Variants in MIAT observed in about 807,000 individuals in gnomAD.
MIAT encodes the protein MI related novel mRNA.
At chr22:26,663,352 G>A (rs1569221029) in exon 3 of MIAT, 3 of 398,616 alleles carry the variant, frequency 7.5e-6, no homozygotes, top group East Asian at 3.6e-5. Flanking sequence ...TTCCAGACAC[G>A]TTCATGTGGC....
intron 2 of MIAT, among the ~76,000 whole-genome samples, chr22:26,647,588 T>C (rs1370669030): frequency 6.6e-6 from 1 of 151,696 alleles, no homozygotes; most frequent in African/African-American, 2.4e-5. Flanking sequence ...GGTGGGAGCG[T>C]GCTGAATGAT....
intron 2 of MIAT, among the ~76,000 whole-genome samples, chr22:26,659,958 C>T (rs1930605469): frequency 2.0e-5 from 3 of 150,498 alleles, no homozygotes; most frequent in Admixed American, 2.0e-4. Flanking sequence ...GCCTCAGCCT[C>T]CCAAGTAGCT....
intron 2 of MIAT, chr22:26,660,656 A>G (rs1343729795): frequency 6.6e-6 from 1 of 152,142 alleles, no homozygotes; most frequent in Non-Finnish European, 1.5e-5. Context: ...TGGTCCTGCT[A>G]GTTGTTTCCA....
At chr22:26,658,353 C>T (rs1196037692) in intron 2 of MIAT, 1 of 152,354 alleles carries the variant, frequency 6.6e-6, no homozygotes, top group East Asian at 1.9e-4. Context: ...AGAAACAACC[C>T]CATTTTAAAG....
chr22:26,669,171 G>C (rs1930958270), exon 6 of MIAT: 1 of 398,752 alleles, frequency 2.5e-6, no homozygotes, highest in Non-Finnish European at 4.4e-6. Context: ...CCCAGCGTTT[G>C]CAAGAGAGCA....
At chr22:26,660,816 G>C (rs1239559994) in intron 2 of MIAT, 1 of 152,246 alleles carries the variant, frequency 6.6e-6, no homozygotes, top group Non-Finnish European at 1.5e-5. Context: ...GAGTTACGCA[G>C]GTCCGTGTGC....
intron 2 of MIAT, among the ~76,000 whole-genome samples, chr22:26,654,679 C>G (rs2145999308): frequency 6.6e-6 from 1 of 152,196 alleles, no homozygotes; most frequent in East Asian, 1.9e-4. Flanking sequence ...GGCAACAGGG[C>G]AAGACCTTGT....
In MIAT at chr22:26,647,073, T is replaced by A. The variant is rs1930246246; in HGVS notation, n.509-101T>A. 4 of 397,866 alleles carry A rather than the reference T, an allele frequency of 1.0e-5. No individual in the cohort carries two copies. The South Asian group carries it at 5.5e-4, about 54-fold the overall frequency. 24.6% of individuals were successfully genotyped at this position (397,866 alleles called of 1,614,324 possible). On this transcript the variant is annotated intron_variant and non_coding_transcript_variant, in intron 1 of 5. Transcript: ENST00000643270. ...CTTTAGAAGGCATAAGCAGCTGGGGTCCCTGGAGACCCTGGGATGACACCG... is the reference window on the plus strand; with the variant it reads ...CTTTAGAAGGCATAAGCAGCTGGGGACCCTGGAGACCCTGGGATGACACCG...
In MIAT at chr22:26,655,781, G is replaced by T. The variant is rs1930421255; in HGVS notation, n.647-7535G>T. ...GGCTTACTGAAACATAGATGTCTGG[G>T]CCTTCCTTTCTTTCCCCAGGGCTCA... On this transcript the variant is annotated intron_variant and non_coding_transcript_variant, in intron 2 of 5. Coordinates refer to ENST00000643270, the Ensembl canonical transcript of MIAT. Among the ~76,000 whole-genome samples, 2 of 152,272 alleles carry T rather than the reference G, an allele frequency of 1.3e-5. 1 individual carries two copies. Among genetic ancestry groups the T allele is most frequent in the Middle Eastern group, 6.8e-3 (2 of 294 alleles).
intron 2 of MIAT, among the ~76,000 whole-genome samples, chr22:26,648,225 G>A (rs1247955096): frequency 2.0e-5 from 3 of 152,316 alleles, no homozygotes; most frequent in Non-Finnish European, 2.9e-5. Context: ...GGGCCCGGGA[G>A]CAGGTGCAGG....
At chr22:26,669,510 C>T in exon 6 of MIAT, 1 of 398,634 alleles carries the variant, frequency 2.5e-6, no homozygotes, top group Non-Finnish European at 4.4e-6. Context: ...ACTAATATCA[C>T]CATATTAGGG....
chr22:26,666,000 C>G, exon 4 of MIAT: 2 of 398,642 alleles, frequency 5.0e-6, no homozygotes, highest in South Asian at 1.3e-4. Flanking sequence ...ATTTATAAAC[C>G]TTGGACAGGG....
exon 1 of MIAT, chr22:26,646,576 G>C (rs2145995185): frequency 2.5e-6 from 1 of 398,640 alleles, no homozygotes; most frequent in South Asian, 1.3e-4. Context: ...GCAGATTGTT[G>C]AGACTGAAAT....
chr22:26,666,291 G>A (rs1930841092), exon 4 of MIAT: 4 of 398,556 alleles, frequency 1.0e-5, no homozygotes, highest in Admixed American at 8.8e-5. Flanking sequence ...TGGTGACACA[G>A]GGTGGTCTTA....
At chr22:26,675,581 A>G (rs1417325179) in exon 5 of MIAT, 2 of 398,494 alleles carry the variant, frequency 5.0e-6, no homozygotes, top group African/African-American at 4.1e-5. Flanking sequence ...ATACATGTCT[A>G]CCCCAGTTGG....
chr22:26,670,445 G>A (rs1931002232), downstream of MIAT: 2 of 398,380 alleles, frequency 5.0e-6, no homozygotes, highest in Non-Finnish European at 8.8e-6. Flanking sequence ...CCTGGGAAGT[G>A]GTAGAGAGAC....
At position 26,669,418 on chromosome 22, in the gene MIAT, T is replaced by C. The variant is rs1930964965; in HGVS notation, n.3523T>C. The C allele has an allele frequency of 1.5e-5, 6 of 398,570 alleles. 1 individual carries two copies. 24.7% of individuals were successfully genotyped at this position (398,570 alleles called of 1,614,324 possible). On this transcript the variant is annotated non_coding_transcript_exon_variant, in exon 6 of 6. Coordinates refer to ENST00000643270, the Ensembl canonical transcript of MIAT. The stretch of plus-strand genomic sequence containing the variant: ...GCTTGCAGGTGGCACCTTCTCACTA[T>C]GTCCTCACATGGCCTTTTCTCTGTG...
chr22:26,665,241 CAGAAAAAAAGAAAGAAAGAAAGAA>C (rs1327836720), intron 3 of MIAT, among the ~76,000 whole-genome samples: 4,916 of 80,076 alleles, frequency 0.061, 255 homozygotes, highest in African/African-American at 0.18. Context: ...ATCCTGTCTC[CAGAAAAAAAGAAAGAAAGAAAGAA>C]AGAAAGAAAG....
intron 2 of MIAT, among the ~76,000 whole-genome samples, chr22:26,647,830 G>T (rs193095146): frequency 6.6e-6 from 1 of 152,090 alleles, no homozygotes; most frequent in Non-Finnish European, 1.5e-5. Flanking sequence ...TGGGATGGGA[G>T]GGGGAATGAC....
Sources: gnomAD v4.1 joint callset for allele counts (sites outside exome capture counted in the v4.1 genomes callset) on GRCh38, gnomAD v4.1.1 for gene constraint, MANE v1.5 for transcripts, NCBI Gene and HGNC (gene_info 2026-07-23, HGNC 2026-07-21) for gene names.